The following SLC71A1 variants were observed in gnomAD, a reference collection of about 807,000 sequenced individuals.
SLC71A1 encodes the protein hippocampus abundant gene transcript 1.
the SLC71A1 span, among the ~76,000 whole-genome samples, chr1:100,076,770 TGTTA>T: frequency 6.6e-6 from 1 of 152,250 alleles, no homozygotes; most frequent in African/African-American, 2.4e-5. Context: ...ATCATTGTTC[TGTTA>T]GTTTTTCTTT....
chr1:100,044,606 C>T, the SLC71A1 span, among the ~76,000 whole-genome samples: 4 of 149,720 alleles, frequency 2.7e-5, no homozygotes, highest in Admixed American at 6.7e-5. Context: ...ACCTCTGCCT[C>T]TCAGGTTCAA....
the SLC71A1 span, chr1:100,078,618 A>G: frequency 1.8e-6 from 2 of 1,084,816 alleles, no homozygotes; most frequent in Non-Finnish European, 1.4e-6. Flanking sequence ...TCTGTCTCCT[A>G]TGTACTGAAA....
chr1:100,066,988 C>CAAAA, the SLC71A1 span, among the ~76,000 whole-genome samples: 17 of 69,268 alleles, frequency 2.5e-4, 1 homozygote, highest in East Asian at 2.0e-3. Context: ...GACTCCGTCT[C>CAAAA]AAAAAAAAAA....
At chr1:100,057,298 C>T in the SLC71A1 span, among the ~76,000 whole-genome samples, 1,320 of 151,042 alleles carry the variant, frequency 8.7e-3, 18 homozygotes, top group African/African-American at 0.031. Flanking sequence ...TATTGGAACA[C>T]AGTCAAACCC....
At chr1:100,054,036 C>A in the SLC71A1 span, among the ~76,000 whole-genome samples, 1 of 134,340 alleles carries the variant, frequency 7.4e-6, no homozygotes, top group East Asian at 2.2e-4. Flanking sequence ...TTTTTTTTTT[C>A]TTTCCTTTTT....
chr1:100,040,436 G>A, the SLC71A1 span, among the ~76,000 whole-genome samples: 11 of 152,060 alleles, frequency 7.2e-5, no homozygotes, highest in African/African-American at 2.7e-4. Flanking sequence ...ACTTACAATA[G>A]TTCAGACTAC....
At chr1:100,060,039 T>A in the SLC71A1 span, 2 of 1,555,084 alleles carry the variant, frequency 1.3e-6, no homozygotes, top group South Asian at 2.4e-5. Context: ...CAACTAAATA[T>A]CACTTTCAGC....
chr1:100,038,329 C>T, the SLC71A1 span: 3 of 1,551,460 alleles, frequency 1.9e-6, no homozygotes, highest in South Asian at 1.2e-5. Flanking sequence ...GAGCTGAGTT[C>T]CGCGCCGGCG....
the SLC71A1 span, among the ~76,000 whole-genome samples, chr1:100,070,346 G>T: frequency 1.3e-5 from 2 of 152,322 alleles, no homozygotes; most frequent in Middle Eastern, 3.4e-3. Flanking sequence ...GCTTGTGTAA[G>T]AAACAACAGG....
chr1:100,039,213 T>C, the SLC71A1 span, among the ~76,000 whole-genome samples: 1 of 152,240 alleles, frequency 6.6e-6, no homozygotes, highest in African/African-American at 2.4e-5. Flanking sequence ...TTGCATCCGC[T>C]GATACCGCGT....
At chr1:100,059,859 T>C in the SLC71A1 span, 1 of 1,592,300 alleles carries the variant, frequency 6.3e-7, no homozygotes, top group African/African-American at 1.3e-5. Flanking sequence ...TATTCATTTT[T>C]TTCATTTAAT....
At chr1:100,075,160 C>G in the SLC71A1 span, among the ~76,000 whole-genome samples, 2 of 152,188 alleles carry the variant, frequency 1.3e-5, no homozygotes, top group African/African-American at 2.4e-5. Context: ...GACTAGCATT[C>G]CTGAAAGAAC....
the SLC71A1 span, among the ~76,000 whole-genome samples, chr1:100,046,230 T>G: frequency 1.9e-4 from 22 of 113,944 alleles, no homozygotes; most frequent in African/African-American, 6.1e-4. Flanking sequence ...TTTTTTTTTT[T>G]TTTTTTTTTT....
the SLC71A1 span, among the ~76,000 whole-genome samples, chr1:100,055,637 T>C: frequency 6.6e-6 from 1 of 152,126 alleles, no homozygotes; most frequent in African/African-American, 2.4e-5. Flanking sequence ...ACATGAGATA[T>C]TTTGATACAG....
the SLC71A1 span, among the ~76,000 whole-genome samples, chr1:100,060,355 A>C: frequency 2.0e-5 from 3 of 152,202 alleles, no homozygotes; most frequent in African/African-American, 7.2e-5. Flanking sequence ...GTCATTATCT[A>C]TATTAGTTAG....
chr1:100,077,538 A>G, the SLC71A1 span, among the ~76,000 whole-genome samples: 5 of 152,322 alleles, frequency 3.3e-5, no homozygotes, highest in African/African-American at 9.6e-5. Flanking sequence ...ATCTTTAAGG[A>G]GCATTTAATC....
chr1:100,059,152 T>TTG, the SLC71A1 span, among the ~76,000 whole-genome samples: 1 of 117,686 alleles, frequency 8.5e-6, no homozygotes, highest in African/African-American at 3.7e-5. Context: ...GTGTTTTTTT[T>TTG]TTTTTTTTTT....
the SLC71A1 span, among the ~76,000 whole-genome samples, chr1:100,077,898 T>A: frequency 2.0e-5 from 3 of 152,168 alleles, no homozygotes; most frequent in African/African-American, 7.2e-5. Flanking sequence ...TGGACTTGGA[T>A]ATAAGCAAGC....
At chr1:100,043,415 A>C in the SLC71A1 span, among the ~76,000 whole-genome samples, 3 of 152,182 alleles carry the variant, frequency 2.0e-5, no homozygotes, top group Non-Finnish European at 4.4e-5. Context: ...ATAACAAAGA[A>C]ATATCCCTCC....
Sources: gnomAD v4.1 joint callset for allele counts (sites outside exome capture counted in the v4.1 genomes callset) on GRCh38, gnomAD v4.1.1 for gene constraint, MANE v1.5 for transcripts, NCBI Gene and HGNC (gene_info 2026-07-23, HGNC 2026-07-21) for gene names.